WDFY4: variants seen among roughly 807,000 people sequenced by gnomAD.
WDFY4 encodes WDFY family member 4, also known as WD repeat- and FYVE domain-containing protein 4.
A neutral mutation model predicts 351.9 loss-of-function variants in WDFY4; 169 were observed. The observed-to-expected ratio is 0.48, with a 90% confidence interval of 0.42 to 0.55. WDFY4 has a LOEUF of 0.55. Ranked by LOEUF, WDFY4 falls within the 20% of genes least tolerant of loss-of-function variation. The pLI, the probability that WDFY4 is intolerant of heterozygous loss-of-function variation, is 0.00. For synonymous variants in WDFY4, 1,622 were observed against 1,574.6 expected (o/e 1.03, Z -0.71); for missense variants, 3,803 against 3,935.6 (o/e 0.97, Z 0.90).
At chr10:48,832,899 A>G (rs1220335740) in intron 39 of WDFY4, among the ~76,000 whole-genome samples, 190 bp downstream of exon 39, 1 of 152,104 alleles carries the variant, frequency 6.6e-6, no homozygotes, top group East Asian at 1.9e-4. Context: ...CCTTGTTCCC[A>G]TTCTCAACTG....
chr10:48,966,597 C>G lies in WDFY4; in HGVS notation c.8508C>G (p.Pro2836=). The change falls in exon 55 of 62, where the codon CCC becomes CCG. Residue 2836 remains proline (P), a synonymous_variant. Transcript: ENST00000325239. Reference sequence around the variant, plus strand: ...TGCCTGGAAAGGATGTCTCCACCCCCGTGAGCCTGCCTGGCCACCCACAGC... The same window carrying G: ...TGCCTGGAAAGGATGTCTCCACCCCGGTGAGCCTGCCTGGCCACCCACAGC... ...KPLPGKDVST[P]VSLPGHPQPF... is the part of the protein sequence containing the mutation. 1 of 1,552,016 alleles carries G rather than the reference C, an allele frequency of 6.4e-7. No individual in the cohort carries two copies.
chr10:48,697,467 C>T (rs1413534895), intron 1 of WDFY4, among the ~76,000 whole-genome samples: 3 of 152,214 alleles, frequency 2.0e-5, no homozygotes, highest in Non-Finnish European at 4.4e-5. Context: ...GGGAACCCGG[C>T]CTCCAAGGTG....
chr10:48,799,297 T>C (rs1279875768), intron 24 of WDFY4, among the ~76,000 whole-genome samples: 2 of 150,238 alleles, frequency 1.3e-5, no homozygotes, highest in East Asian at 3.9e-4. Flanking sequence ...CAAAATGAAA[T>C]GAAACAAAAT....
chr10:48,760,547 C>T, intron 13 of WDFY4, 107 bp downstream of exon 13: 2 of 1,112,570 alleles, frequency 1.8e-6, no homozygotes, highest in Non-Finnish European at 2.6e-6. Flanking sequence ...CTTCAGTGCC[C>T]TGCGTTAGCA....
intron 20 of WDFY4, among the ~76,000 whole-genome samples, chr10:48,787,963 CTTCTTCTTCTTCTTCTTCTT>C (rs2066534469): frequency 7.9e-6 from 1 of 127,364 alleles, no homozygotes. Flanking sequence ...TCTTCTTCTT[CTTCTTCTTCTTCTTCTTCTT>C]CTCCTTCTCC....
intron 51 of WDFY4, among the ~76,000 whole-genome samples, chr10:48,947,860 G>T (rs1252979177): frequency 6.6e-6 from 1 of 152,192 alleles, no homozygotes; most frequent in Non-Finnish European, 1.5e-5. Flanking sequence ...TCCAGACCCT[G>T]CAATGGTCTG....
intron 31 of WDFY4, among the ~76,000 whole-genome samples, chr10:48,815,146 T>C (rs1201818662): frequency 1.3e-5 from 2 of 152,214 alleles, no homozygotes; most frequent in Non-Finnish European, 2.9e-5. Context: ...CTCAGAAAGA[T>C]TGCATTAGTC....
At chr10:48,787,804 C>CTTCTTCTTCT (rs2066455135) in intron 20 of WDFY4, among the ~76,000 whole-genome samples, 1 of 70,764 alleles carries the variant, frequency 1.4e-5, no homozygotes, top group African/African-American at 6.2e-5. Flanking sequence ...CCTCCTCCTC[C>CTTCTTCTTCT]TCCTCTTCTT....
chr10:48,707,261 TG>T (rs2096792129), intron 1 of WDFY4, among the ~76,000 whole-genome samples: 1 of 152,176 alleles, frequency 6.6e-6, no homozygotes, highest in African/African-American at 2.4e-5. Context: ...ACTGGAAAGC[TG>T]GGTGATGCCA....
At chr10:48,800,478 G>A (rs1472166306) in intron 24 of WDFY4, among the ~76,000 whole-genome samples, 1 of 151,986 alleles carries the variant, frequency 6.6e-6, no homozygotes, top group Non-Finnish European at 1.5e-5. Context: ...GTTGAAGCAG[G>A]GAGGGACAAA....
At chr10:48,930,006 T>A (rs2133672555) in intron 47 of WDFY4, among the ~76,000 whole-genome samples, 1 of 152,314 alleles carries the variant, frequency 6.6e-6, no homozygotes, top group Non-Finnish European at 1.5e-5. Context: ...TTGCATTTAT[T>A]ATCTATCCCC....
intron 51 of WDFY4, among the ~76,000 whole-genome samples, chr10:48,955,714 G>T (rs1841555099): frequency 6.6e-6 from 1 of 152,230 alleles, no homozygotes; most frequent in Non-Finnish European, 1.5e-5. Context: ...ATCTGAGCAT[G>T]GACCAGACAT....
At chr10:48,857,165 G>T (rs1016198675) in intron 39 of WDFY4, among the ~76,000 whole-genome samples, 1 of 152,042 alleles carries the variant, frequency 6.6e-6, no homozygotes, top group Non-Finnish European at 1.5e-5. Context: ...TAACAGTTAT[G>T]CACATGCTTT....
intron 39 of WDFY4, among the ~76,000 whole-genome samples, chr10:48,852,334 C>A (rs1317037313): frequency 1.3e-5 from 2 of 152,232 alleles, no homozygotes; most frequent in Non-Finnish European, 2.9e-5. Flanking sequence ...GCCTCGATAT[C>A]TTCTCCTGTA....
intron 39 of WDFY4, among the ~76,000 whole-genome samples, chr10:48,841,619 A>C (rs139559117): frequency 0.011 from 1,619 of 152,306 alleles, 27 homozygotes; most frequent in African/African-American, 0.037. Flanking sequence ...AGCCATCCTT[A>C]GTTGTAAGCT....
At chr10:48,871,910 GA>G (rs1400454405) in intron 40 of WDFY4, among the ~76,000 whole-genome samples, 1 of 152,236 alleles carries the variant, frequency 6.6e-6, no homozygotes, top group Admixed American at 6.5e-5. Flanking sequence ...TGATAACACT[GA>G]TTACTTAAGC....
intron 12 of WDFY4, among the ~76,000 whole-genome samples, chr10:48,751,364 C>G (rs577872302): frequency 6.6e-6 from 1 of 152,166 alleles, no homozygotes; most frequent in Admixed American, 6.5e-5. Context: ...AGGCATTGCT[C>G]GGACTTTAAG....
intron 58 of WDFY4, 106 bp downstream of exon 58, chr10:48,975,147 T>A: frequency 6.9e-7 from 1 of 1,443,600 alleles, no homozygotes; most frequent in Non-Finnish European, 9.5e-7. Context: ...CACCCCAGAA[T>A]GCTGAGAGGG....
Position 48,709,766 on chromosome 10 carries a change from A to G in WDFY4, c.34A>G (p.Arg12Gly). ...EAEDLSKAED[R>G]NEDPGSKNEG... ...AGAAGATCTTTCAAAGGCTGAAGACAGAAATGAAGACCCAGGTTCCAAAAA... is the reference window on the plus strand; with the variant it reads ...AGAAGATCTTTCAAAGGCTGAAGACGGAAATGAAGACCCAGGTTCCAAAAA... The change falls in exon 2 of 62, where the codon AGA becomes GGA. Residue 12 changes from arginine to glycine, a missense_variant. Physicochemically the swap from Arg to Gly is moderately radical, Grantham distance 125. This residue lies in a region of WDFY4 where 488 missense variants were observed against 456.8 expected (regional missense o/e 1.07). Transcript: ENST00000325239. 1 of 1,552,038 alleles carries G rather than the reference A, an allele frequency of 6.4e-7. No individual in the cohort carries two copies.
Sources: allele counts gnomAD v4.1 joint callset (sites outside exome capture counted in the v4.1 genomes callset), GRCh38; gene constraint gnomAD v4.1.1; regional missense constraint gnomAD v4.1.1; transcripts MANE v1.5; gene names NCBI Gene and HGNC (gene_info 2026-07-23, HGNC 2026-07-21).